The following TAF4B variants were observed in gnomAD, a reference collection of about 807,000 sequenced individuals.
TAF4B encodes the protein transcription initiation factor TFIID subunit 4B.
Under a neutral mutation model 86.4 loss-of-function variants are expected in TAF4B, and 38 were observed. The ratio of observed to expected loss-of-function variants is 0.44; its 90% confidence interval spans 0.34 to 0.58. The LOEUF is 0.58. Among genes scored for constraint, TAF4B ranks in the 20% least tolerant of loss-of-function variants. TAF4B has a pLI of 0.02. For synonymous variants in TAF4B, 388 were observed against 391.2 expected, an observed-to-expected ratio of 0.99 and a Z score of 0.10; for missense variants, 988 against 1,027.6, an observed-to-expected ratio of 0.96 and a Z score of 0.53.
chr18:26,265,167 T>C lies in TAF4B; in HGVS notation c.344-3T>C. On this transcript the variant is annotated splice_polypyrimidine_tract_variant and splice_region_variant and intron_variant, in intron 1 of 14. Coordinates refer to ENST00000269142, the MANE Select transcript of TAF4B (RefSeq NM_005640.3). ...GTCACTTTTTTTTCTTTTTTAAATA[T>C]AGGAACCGTTTTGATTAAAAGTAAC... 1.9e-6 allele frequency: 3 copies of C among 1,606,622 alleles called. No homozygotes were observed. The highest frequency in any genetic ancestry group is 1.7e-5 in the Admixed American group (1 of 57,782).
intron 14 of TAF4B, among the ~76,000 whole-genome samples, chr18:26,369,102 G>A (rs1351172318): frequency 6.6e-6 from 1 of 152,026 alleles, no homozygotes; most frequent in African/African-American, 2.4e-5. Flanking sequence ...ATAGTCAGGT[G>A]CATTACTTTT....
At chr18:26,307,908 G>A (rs945110193) in intron 9 of TAF4B, among the ~76,000 whole-genome samples, 7 of 152,050 alleles carry the variant, frequency 4.6e-5, no homozygotes, top group Non-Finnish European at 8.8e-5. Context: ...TCAGGAGTTC[G>A]AGACCAGCCT....
intron 1 of TAF4B, among the ~76,000 whole-genome samples, chr18:26,249,416 G>A (rs1041727601): frequency 1.3e-5 from 2 of 151,746 alleles, no homozygotes; most frequent in Non-Finnish European, 2.9e-5. Flanking sequence ...AGGAGCAGAG[G>A]TTGCAGTGAT....
chr18:26,291,040 AG>A (rs2056586124), intron 7 of TAF4B, among the ~76,000 whole-genome samples: 1 of 152,144 alleles, frequency 6.6e-6, no homozygotes, highest in Non-Finnish European at 1.5e-5. Flanking sequence ...TTTCTTCTCT[AG>A]GGGCATTAGT....
intron 11 of TAF4B, among the ~76,000 whole-genome samples, chr18:26,322,932 G>A (rs1300888427): frequency 6.6e-6 from 1 of 151,932 alleles, no homozygotes; most frequent in Non-Finnish European, 1.5e-5. Flanking sequence ...GGTATGTTGT[G>A]TTGTCGTTTT....
chr18:26,372,960 CAAA>C (rs55712756), intron 14 of TAF4B, among the ~76,000 whole-genome samples: 1 of 138,554 alleles, frequency 7.2e-6, no homozygotes, highest in African/African-American at 2.8e-5. Flanking sequence ...GACTCTGTCT[CAAA>C]AAAAAAAAAA....
intron 1 of TAF4B, among the ~76,000 whole-genome samples, chr18:26,232,761 C>T (rs1478698266): frequency 6.6e-6 from 1 of 152,212 alleles, no homozygotes; most frequent in African/African-American, 2.4e-5. Context: ...TGGAGAGTCA[C>T]TGCTGCCAAA....
intron 6 of TAF4B, among the ~76,000 whole-genome samples, chr18:26,285,222 GTTTTTTTT>G (rs776976703): frequency 8.1e-4 from 37 of 45,696 alleles, no homozygotes; most frequent in Middle Eastern, 0.02. Flanking sequence ...TTTTTTTTTT[GTTTTTTTT>G]TTTTTTGGAG....
intron 14 of TAF4B, among the ~76,000 whole-genome samples, chr18:26,379,821 A>G (rs1480194979): frequency 6.6e-6 from 1 of 152,094 alleles, no homozygotes; most frequent in Non-Finnish European, 1.5e-5. Flanking sequence ...ATATTGTTCC[A>G]TTTACTTCTG....
At chr18:26,315,195 C>CACACAAA in intron 9 of TAF4B, 34 bp from the exon 10 acceptor site, 4 of 1,093,654 alleles carry the variant, frequency 3.7e-6, no homozygotes, top group East Asian at 3.5e-5. Flanking sequence ...ACACACACAA[C>CACACAAA]CTAAAATGTA....
At position 26,358,534 on chromosome 18, in the gene TAF4B, A is replaced by C. The variant is rs186257420; in HGVS notation, c.2421+740A>C. Among the ~76,000 whole-genome samples, 814 of 152,080 alleles carry C rather than the reference A, an allele frequency of 5.4e-3. 8 individuals are homozygous for C. The highest frequency in any genetic ancestry group is 0.016 in the African/African-American group (674 of 41,484). On this transcript the variant is annotated intron_variant, in intron 14 of 14. Transcript: ENST00000269142. ...GACCATCCTGTTTAACACGGTGAAA[A>C]CCTGTCTCTACTAAAAATATAAAAA...
chr18:26,345,493 C>G (rs189746116), intron 13 of TAF4B, among the ~76,000 whole-genome samples: 1 of 152,270 alleles, frequency 6.6e-6, no homozygotes, highest in African/African-American at 2.4e-5. Flanking sequence ...ATGCCTCTGA[C>G]CTGAGAAACA....
intron 13 of TAF4B, among the ~76,000 whole-genome samples, chr18:26,338,331 C>T (rs1445839372): frequency 6.6e-6 from 1 of 151,916 alleles, no homozygotes; most frequent in East Asian, 1.9e-4. Context: ...CACCTGTAAT[C>T]CCAGTTACTC....
chr18:26,293,355 G>T, intron 8 of TAF4B, 71 bp from the exon 9 acceptor site: 3 of 1,039,166 alleles, frequency 2.9e-6, no homozygotes, highest in Non-Finnish European at 4.3e-6. Context: ...AAAAACGGTT[G>T]TCCTGGATTT....
chr18:26,380,907 T>C (rs1335361257), intron 14 of TAF4B, among the ~76,000 whole-genome samples: 1 of 152,206 alleles, frequency 6.6e-6, no homozygotes, highest in Non-Finnish European at 1.5e-5. Context: ...TCATTTTTAA[T>C]TTTCCCAGTT....
At chr18:26,255,431 C>G (rs1365262965) in intron 1 of TAF4B, among the ~76,000 whole-genome samples, 1 of 151,794 alleles carries the variant, frequency 6.6e-6, no homozygotes, top group Non-Finnish European at 1.5e-5. Flanking sequence ...TGGTGAAACC[C>G]TGTCTCTACT....
intron 12 of TAF4B, among the ~76,000 whole-genome samples, chr18:26,332,466 G>GT (rs989687588): frequency 2.4e-4 from 37 of 151,690 alleles, no homozygotes; most frequent in Admixed American, 4.6e-4. Context: ...GTTTTGTTTT[G>GT]TTTTTTTTAA....
chr18:26,265,248 C>T lies in TAF4B; in HGVS notation c.422C>T (p.Thr141Ile), dbSNP rs879010800. ...CAAACTGTAACAAGAGCCGAGACCA[C>T]AAGTAACATAACCTCAAGGCCAGCA... ...PQQTVTRAET[T>I]SNITSRPAVP... Residue 141 changes from threonine (T) to isoleucine (I), a missense_variant, in exon 2 of 15, where the codon ACA becomes ATA. Transcript: ENST00000269142. The T allele has an allele frequency of 7.4e-6, 12 of 1,613,972 alleles. No homozygotes were observed. The African/African-American group carries it at 1.3e-4, about 18-fold the overall frequency.
At chr18:26,299,248 A>G (rs1244615411) in intron 9 of TAF4B, among the ~76,000 whole-genome samples, 3 of 152,128 alleles carry the variant, frequency 2.0e-5, no homozygotes, top group African/African-American at 4.8e-5. Context: ...CCCTGAAAGT[A>G]TAGTCTTCCT....
Sources: allele counts gnomAD v4.1 joint callset (sites outside exome capture counted in the v4.1 genomes callset), GRCh38; gene constraint gnomAD v4.1.1; transcripts MANE v1.5; gene names NCBI Gene and HGNC (gene_info 2026-07-23, HGNC 2026-07-21).